CFAP20DC: variants seen among roughly 807,000 people sequenced by gnomAD.
CFAP20DC encodes protein CFAP20DC.
CFAP20DC carries 84 observed loss-of-function variants against 101.7 expected under a neutral mutation model. The ratio of observed to expected loss-of-function variants is 0.83; its 90% CI spans 0.69 to 0.99. CFAP20DC has a LOEUF of 0.99. CFAP20DC is among the 50% of genes least tolerant of loss of function. CFAP20DC has a pLI of 0.00. For missense variants in CFAP20DC, 1,007 were observed against 970.3 expected, an observed-to-expected ratio of 1.04 and a Z score of -0.50; for synonymous variants, 359 against 351.2, an observed-to-expected ratio of 1.02 and a Z score of -0.25.
At chr3:58,731,940 T>G (rs2067653841) in intron 3 of CFAP20DC, among the ~76,000 whole-genome samples, 1 of 152,238 alleles carries the variant, frequency 6.6e-6, no homozygotes, top group African/African-American at 2.4e-5. Context: ...GATTCCTGCA[T>G]CACCACTCAG....
chr3:58,916,393 C>T (rs150246516), intron 5 of CFAP20DC, among the ~76,000 whole-genome samples: 250 of 152,204 alleles, frequency 1.6e-3, no homozygotes, highest in African/African-American at 5.6e-3. Context: ...CCTAAGAAAC[C>T]AGATCCTTAC....
At chr3:58,900,208 A>G (rs1027297614) in intron 6 of CFAP20DC, among the ~76,000 whole-genome samples, 1 of 152,192 alleles carries the variant, frequency 6.6e-6, no homozygotes, top group Non-Finnish European at 1.5e-5. Context: ...AGTTCTGCCA[A>G]AGGATTGTTA....
At position 58,914,839 on chromosome 3, in the gene CFAP20DC, T is replaced by C. The variant is rs1050438671; in HGVS notation, c.394-975A>G. The C allele has an allele frequency of 1.3e-5, 2 of 152,120 alleles. No homozygotes were observed. Among genetic ancestry groups the C allele is most frequent in the Admixed American group, 6.6e-5 (1 of 15,264 alleles). The allele number at this position is 152,120 out of a possible 1,614,324, so 9.4% of individuals were successfully genotyped here. A position where few individuals can be genotyped will look rare whatever the true frequency, so the allele number is the denominator to read the frequency against. On this transcript the variant is annotated intron_variant, in intron 5 of 16. Coordinates refer to ENST00000482387, the MANE Select transcript of CFAP20DC (RefSeq NM_001394063.1). This position sits in a 1 kb window ranked among gnomAD's most constrained non-coding sequence, Gnocchi z 4.9. ...TTAAATACATGAAGAGTATTTTCTA[T>C]GTAGATGTCTCAACAGTAAAATTAC... is the stretch of plus-strand genomic sequence containing the variant.
intron 7 of CFAP20DC, among the ~76,000 whole-genome samples, chr3:58,870,858 G>A (rs1481072325): frequency 6.1e-5 from 7 of 113,854 alleles, no homozygotes; most frequent in African/African-American, 2.4e-4. Flanking sequence ...ACTGCAGTCC[G>A]CAGTCCGGCC....
At chr3:58,895,368 A>C (rs2082585476) in intron 6 of CFAP20DC, among the ~76,000 whole-genome samples, 2 of 152,172 alleles carry the variant, frequency 1.3e-5, no homozygotes, top group Non-Finnish European at 2.9e-5. Context: ...CTTCCACCAG[A>C]TACCCTAAAT....
rs905645056 is a variant in CFAP20DC at position 58,724,509 on chromosome 3, C to A, written c.198-6881G>T. Among the ~76,000 whole-genome samples the A allele has an allele frequency of 2.4e-4, 36 of 152,126 alleles. No homozygotes were observed. Among genetic ancestry groups the A allele is most frequent in the Admixed American group, 2.3e-3 (35 of 15,274 alleles). ...ACAGACGTGTGGGCTCCTATTTAAG[C>A]CCGCTCCCACTAGCTACTCTCCGAT... On this transcript the variant is annotated intron_variant, in intron 3 of 3. Coordinates refer to the CFAP20DC transcript ENST00000486145. The surrounding 1 kb of genome is among the most constrained non-coding windows in gnomAD (Gnocchi z 5.6).
intron 5 of CFAP20DC, among the ~76,000 whole-genome samples, chr3:58,930,852 G>T (rs1024771690): frequency 8.5e-5 from 13 of 152,284 alleles, no homozygotes; most frequent in Middle Eastern, 3.4e-3. Context: ...CGCAGAAGAC[G>T]GGTGATTTCT....
intron 6 of CFAP20DC, among the ~76,000 whole-genome samples, chr3:58,891,752 C>T (rs2082280114): frequency 6.6e-6 from 1 of 152,056 alleles, no homozygotes. Flanking sequence ...CTCCCATTCT[C>T]TAAGTTGTCT....
At chr3:58,791,858 A>G (rs1052412641) in intron 15 of CFAP20DC, among the ~76,000 whole-genome samples, 1 of 152,178 alleles carries the variant, frequency 6.6e-6, no homozygotes, top group Non-Finnish European at 1.5e-5. Context: ...CACACCTACA[A>G]TGTAAATGTT....
At chr3:58,782,227 A>T (rs2071898326) in intron 15 of CFAP20DC, among the ~76,000 whole-genome samples, 1 of 152,062 alleles carries the variant, frequency 6.6e-6, no homozygotes, top group Non-Finnish European at 1.5e-5. Flanking sequence ...CATTTGACAA[A>T]ATTCAACATC....
chr3:58,937,578 G>A, intron 5 of CFAP20DC, 70 bp downstream of exon 5: 1 of 941,334 alleles, frequency 1.1e-6, no homozygotes, highest in Non-Finnish European at 1.7e-6. Flanking sequence ...CCTCACATAT[G>A]GAGTCAGCCC....
At chr3:59,034,492 G>A (rs1158877858) in intron 4 of CFAP20DC, among the ~76,000 whole-genome samples, 1 of 152,126 alleles carries the variant, frequency 6.6e-6, no homozygotes, top group Non-Finnish European at 1.5e-5. Context: ...ATAAAGGGAT[G>A]GAGGAATATT....
chr3:58,760,475 T>C (rs2069450595), intron 15 of CFAP20DC, among the ~76,000 whole-genome samples: 1 of 152,200 alleles, frequency 6.6e-6, no homozygotes, highest in Non-Finnish European at 1.5e-5. Context: ...TCATGTCATC[T>C]GCAAACAGGG....
intron 4 of CFAP20DC, 129 bp downstream of exon 4, chr3:59,039,428 T>C (rs745390819): frequency 6.7e-6 from 4 of 597,064 alleles, no homozygotes; most frequent in African/African-American, 2.0e-5. Flanking sequence ...TTACTTGATG[T>C]TGACTTGATG....
chr3:58,828,265 C>G (rs770910060), intron 14 of CFAP20DC, among the ~76,000 whole-genome samples: 13 of 152,114 alleles, frequency 8.5e-5, no homozygotes, highest in African/African-American at 3.1e-4. Flanking sequence ...ATAATAATGA[C>G]AGCTAAACTT....
Position 58,861,304 on chromosome 3 carries a change from C to T in CFAP20DC, c.1593+2254G>A. 2 of 701,722 alleles carry T rather than the reference C, an allele frequency of 2.9e-6. No individual in the cohort carries two copies. Among genetic ancestry groups the T allele is most frequent in the Non-Finnish European group, 3.5e-6 (2 of 571,452 alleles). 43.5% of individuals were successfully genotyped at this position (701,722 alleles called of 1,614,324 possible). ...ATATAATTGTTATTCACTTGTCCAC[C>T]ATTATTTACAACTTGACATTATGTT... On this transcript the variant is annotated intron_variant, in intron 12 of 16. Transcript: ENST00000482387. The surrounding 1 kb of genome is among the most constrained non-coding windows in gnomAD (Gnocchi z 4.0).
Position 58,890,220 on chromosome 3 carries a change from C to T in CFAP20DC, c.551-5511G>A, listed in dbSNP as rs557794679. 7.7e-3 allele frequency among the ~76,000 whole-genome samples: 1,152 copies of T among 149,144 alleles called. 5 individuals are homozygous for T. Among genetic ancestry groups the T allele is most frequent in the Middle Eastern group, 0.028 (8 of 282 alleles). ...CTCCCTCCCGGACGGGGCGGCTGGC[C>T]GGGCAGAGGGGCTCTTCACTTCCCA... On this transcript the variant is annotated intron_variant, in intron 6 of 16. Transcript: ENST00000482387.
chr3:58,827,085 C>G (rs1191204688), intron 14 of CFAP20DC, among the ~76,000 whole-genome samples: 1 of 152,038 alleles, frequency 6.6e-6, no homozygotes, highest in Non-Finnish European at 1.5e-5. Flanking sequence ...ATGCACAACA[C>G]CAAGAGTGAA....
intron 5 of CFAP20DC, among the ~76,000 whole-genome samples, chr3:58,934,765 A>T (rs1208200149): frequency 6.6e-6 from 1 of 152,232 alleles, no homozygotes; most frequent in Non-Finnish European, 1.5e-5. Context: ...TATTGATGGG[A>T]CATATCTGAA....
Sources: allele counts gnomAD v4.1 joint callset (sites outside exome capture counted in the v4.1 genomes callset), GRCh38; gene constraint gnomAD v4.1.1; non-coding constraint Gnocchi (gnomAD v3.1); transcripts MANE v1.5; gene names NCBI Gene and HGNC (gene_info 2026-07-23, HGNC 2026-07-21).